The following NXF1 variants were observed in gnomAD, a reference collection of about 807,000 sequenced individuals.
The protein encoded by NXF1 is nuclear RNA export factor 1.
A neutral mutation model predicts 92.4 loss-of-function variants in NXF1; 43 were observed. That is an observed-to-expected ratio of 0.47 (90% CI 0.36 to 0.60). The LOEUF (loss-of-function observed/expected upper bound fraction) is 0.60. NXF1 is among the 20% of genes least tolerant of loss of function. The pLI is 0.00. For synonymous variants in NXF1, 288 were observed against 292.2 expected (o/e 0.99, Z 0.15); for missense variants, 576 against 793.0 (o/e 0.73, Z 3.29).
At chr11:62,802,353 TA>T (rs1249579896) in intron 3 of NXF1, 93 bp from the exon 4 acceptor site, 2 of 999,714 alleles carry the variant, frequency 2.0e-6, no homozygotes, top group African/African-American at 3.2e-5. Context: ...ACCAAACTTT[TA>T]AAGACTATCT....
intron 11 of NXF1, 21 bp from the exon 12 acceptor site, chr11:62,797,407 T>C (rs751743981): frequency 2.2e-5 from 36 of 1,610,258 alleles, no homozygotes; most frequent in Admixed American, 1.3e-4. Context: ...GAAGTAAAAG[T>C]TGACAGTGTA....
rs1451213158 is a variant in NXF1 at position 62,800,936 on chromosome 11, G to A, written c.906+158C>T. ...GAGGCGTGCAAACTCCTAGCCTTAA[G>A]TGATCCTCCTGCCTTGGCCTCCCAA... On this transcript the variant is annotated intron_variant, in intron 9 of 20. Coordinates refer to ENST00000294172, the MANE Select transcript of NXF1 (RefSeq NM_006362.5). Among the ~76,000 whole-genome samples the A allele has an allele frequency of 4.6e-5, 7 of 152,166 alleles. 1 individual carries two copies. The highest frequency in any genetic ancestry group is 1.0e-4 in the Non-Finnish European group (7 of 68,026).
chr11:62,797,492 G>C (rs1590951143), intron 11 of NXF1, 106 bp from the exon 12 acceptor site: 8 of 959,428 alleles, frequency 8.3e-6, no homozygotes, highest in Non-Finnish European at 1.1e-5. Flanking sequence ...TTGAGCTCAG[G>C]AGTTTGAGAC....
At chr11:62,798,766 T>G in intron 10 of NXF1, 191 bp from the exon 11 acceptor site, 1 of 1,403,276 alleles carries the variant, frequency 7.1e-7, no homozygotes, top group Non-Finnish European at 9.2e-7. Context: ...AGACATGGAC[T>G]GCCTTGAAGG....
chr11:62,805,357 G>T lies in NXF1; in HGVS notation c.-1C>A, dbSNP rs759126471. 3.7e-6 allele frequency: 6 copies of T among 1,611,446 alleles called. No homozygotes were observed. The highest frequency in any genetic ancestry group is 2.2e-5 in the East Asian group (1 of 44,748). ...TGTACGACTTCCCCTCGTCCGCCAT[G>T]CCACAGCGAAGATCAAGGGCGGGCT... On this transcript the variant is annotated 5_prime_UTR_variant, in exon 1 of 21. Transcript: ENST00000294172.
At position 62,797,083 on chromosome 11, in the gene NXF1, A is replaced by AC. The variant is rs2084429094; in HGVS notation, c.1178+99dup. 17 of 1,060,586 alleles carry AC rather than the reference A, an allele frequency of 1.6e-5. No homozygotes were observed. In the African/African-American group the frequency reaches 2.6e-4, roughly 16 times the overall value. 65.7% of individuals were successfully genotyped at this position (1,060,586 alleles called of 1,614,324 possible). On this transcript the variant is annotated intron_variant, in intron 13 of 20. Transcript: ENST00000294172. ...ACACTGTCCAAAAAAAAAAAAAAAA[A>AC]CAAAACAAAAAACAAAACAAAAAGA...
At position 62,795,154 on chromosome 11, in the gene NXF1, G is replaced by T. The variant is rs1022121656; in HGVS notation, c.1505-147C>A. ...ATAAGGGTATAAGGGAAGCACAGGT[G>T]GGGTGAAGGGTCAGGTCAGAAAGGA... On this transcript the variant is annotated intron_variant, in intron 17 of 20. Coordinates refer to ENST00000294172, the MANE Select transcript of NXF1 (RefSeq NM_006362.5). The T allele has an allele frequency of 1.4e-5, 10 of 695,960 alleles. No individual in the cohort carries two copies. In the African/African-American group the frequency reaches 1.6e-4, roughly 11 times the overall value. 43.1% of individuals were successfully genotyped at this position (695,960 alleles called of 1,614,324 possible).
intron 10 of NXF1, 40 bp downstream of exon 10, chr11:62,800,337 G>T: frequency 4.3e-6 from 7 of 1,613,708 alleles, no homozygotes; most frequent in Non-Finnish European, 5.9e-6. Flanking sequence ...CTCCCAGGGG[G>T]TGAAGGTCCC....
chr11:62,795,863 G>T (rs1195134124), intron 17 of NXF1, 38 bp downstream of exon 17: 1 of 1,595,338 alleles, frequency 6.3e-7, no homozygotes, highest in Non-Finnish European at 8.6e-7. Context: ...GCTGGGGGTG[G>T]GACCACGCTA....
rs1023717509 is a variant in NXF1 at position 62,802,013 on chromosome 11, C to T, written c.487G>A (p.Val163Ile). The T allele has an allele frequency of 6.2e-6, 10 of 1,614,090 alleles. No individual in the cohort carries two copies. Among genetic ancestry groups the T allele is most frequent in the East Asian group, 2.2e-5 (1 of 44,890 alleles). ...GCAGAGGCAGTACTGGCGTCTTCAA[C>T]GAAGAACTGGGCCCGTGTATTCTCA... ...HYENTRAQFF[V>I]EDASTASALK... The change falls in exon 5 of 21, where the codon GTT becomes ATT. Residue 163 changes from valine (V) to isoleucine (I), a missense_variant. By Grantham distance (29) the Val-to-Ile change is conservative (BLOSUM62 3). Coordinates refer to ENST00000294172, the MANE Select transcript of NXF1 (RefSeq NM_006362.5).
At chr11:62,794,604 G>C in intron 18 of NXF1, 164 bp from the exon 19 acceptor site, 1 of 661,274 alleles carries the variant, frequency 1.5e-6, no homozygotes, top group Non-Finnish European at 2.6e-6. Flanking sequence ...TGTTTGGAAG[G>C]ATTATCTACT....
Position 62,803,511 on chromosome 11 carries a change from G to T in NXF1, c.277C>A (p.His93Asn). The T allele has an allele frequency of 6.2e-7, 1 of 1,614,042 alleles. No individual in the cohort carries two copies. Among genetic ancestry groups the T allele is most frequent in the Non-Finnish European group, 8.5e-7 (1 of 1,180,004 alleles). ...GCTCTGTCTCTCCGCACAGTAACAT[G>T]AATGCGATCTCGATCATGCCAAGTA... ...GDTWHDRDRI[H>N]VTVRRDRAPP... The change falls in exon 3 of 21, where the codon CAT becomes AAT. Residue 93 changes from histidine to asparagine, a missense_variant. Physicochemically the swap from His to Asn is moderately conservative, Grantham distance 68. Transcript: ENST00000294172.
Position 62,796,358 on chromosome 11 carries a change from A to G in NXF1, c.1287-13T>C, listed in dbSNP as rs1427398485. On this transcript the variant is annotated splice_polypyrimidine_tract_variant and intron_variant, in intron 14 of 20. Coordinates refer to ENST00000294172, the MANE Select transcript of NXF1 (RefSeq NM_006362.5). ...GGCTAAGCTGCTTCTGGGGGAATAA[A>G]AGGAATGGACGTGGTGTTCAGAGCA... 1.1e-5 allele frequency: 18 copies of G among 1,614,018 alleles called. No individual in the cohort carries two copies. Among genetic ancestry groups the G allele is most frequent in the Non-Finnish European group, 1.3e-5 (15 of 1,180,022 alleles).
rs763385260 is a variant in NXF1, at chr11:62,801,822, GGAGGGAAGACACA to G, written c.559-16_559-4del. On this transcript the variant is annotated splice_region_variant and splice_polypyrimidine_tract_variant and intron_variant, in intron 5 of 20. Coordinates refer to ENST00000294172, the MANE Select transcript of NXF1 (RefSeq NM_006362.5). ...GAAGAGTTGATGATGATAGATATCT[GGAGGGAAGACACA>G]GAGGGCACAGAAAACTCTAGGGAAG... The G allele has an allele frequency of 6.8e-6, 11 of 1,612,742 alleles. No homozygotes were observed. In the South Asian group the frequency reaches 1.1e-4, roughly 16 times the overall value.
chr11:62,797,173 G>A lies in NXF1; in HGVS notation c.1178+10C>T. ...CTCGGGGTGGGGAGGGGGGACCCTG[G>A]GATACTTACTGTTGCAGGAAGTGCA... On this transcript the variant is annotated intron_variant, in intron 13 of 20. Coordinates refer to ENST00000294172, the MANE Select transcript of NXF1 (RefSeq NM_006362.5). The A allele has an allele frequency of 6.2e-7, 1 of 1,613,690 alleles. No individual in the cohort carries two copies. Among genetic ancestry groups the A allele is most frequent in the South Asian group, 1.1e-5 (1 of 91,072 alleles).
In NXF1 at chr11:62,792,411, G is replaced by A. The variant is rs1164559465; in HGVS notation, c.*65C>T. 20 of 1,598,076 alleles carry A rather than the reference G, an allele frequency of 1.3e-5. No homozygotes were observed. The highest frequency in any genetic ancestry group is 1.6e-5 in the Non-Finnish European group (19 of 1,165,662). On this transcript the variant is annotated 3_prime_UTR_variant, in exon 21 of 21. Coordinates refer to ENST00000294172, the MANE Select transcript of NXF1 (RefSeq NM_006362.5). ...GGCCAGACAGGAGGAGATGACAGAC[G>A]ACAACCAGACGGTAATATCCAAGGA...
At position 62,794,457 on chromosome 11, in the gene NXF1, A is replaced by G; in HGVS notation, c.1578-17T>C. 1 of 1,599,752 alleles carries G rather than the reference A, an allele frequency of 6.3e-7. No homozygotes were observed. Among genetic ancestry groups the G allele is most frequent in the Non-Finnish European group, 8.6e-7 (1 of 1,167,898 alleles). On this transcript the variant is annotated splice_polypyrimidine_tract_variant and intron_variant, in intron 18 of 20. Coordinates refer to ENST00000294172, the MANE Select transcript of NXF1 (RefSeq NM_006362.5). ...ATACATAGCCTTGAGGACAAAGAGC[A>G]CTTAAAAAGCTAGACAGAGATAACA...
intron 3 of NXF1, among the ~76,000 whole-genome samples, chr11:62,802,876 A>C (rs935085661): frequency 3.9e-5 from 6 of 152,150 alleles, no homozygotes; most frequent in African/African-American, 1.4e-4. Flanking sequence ...GCCTGAGCCA[A>C]ATGAAGACAT....
rs1336716764 is a variant in NXF1 at position 62,797,055 on chromosome 11, G to A, written c.1178+128C>T. On this transcript the variant is annotated intron_variant, in intron 13 of 20. Coordinates refer to ENST00000294172, the MANE Select transcript of NXF1 (RefSeq NM_006362.5). ...TGCACTCCAGCCTGGGTGACACAGT[G>A]AGACACTGTCCAAAAAAAAAAAAAA... 44 of 787,160 alleles carry A rather than the reference G, an allele frequency of 5.6e-5. No individual in the cohort carries two copies. In the East Asian group the frequency reaches 8.0e-4, roughly 14 times the overall value. The allele number at this position is 787,160 out of a possible 1,614,324, so 48.8% of individuals were successfully genotyped here. A position where few individuals can be genotyped will look rare whatever the true frequency, so the allele number is the denominator to read the frequency against.
Sources: gnomAD v4.1 joint callset for allele counts (sites outside exome capture counted in the v4.1 genomes callset) on GRCh38, gnomAD v4.1.1 for gene constraint, MANE v1.5 for transcripts, NCBI Gene and HGNC (gene_info 2026-07-23, HGNC 2026-07-21) for gene names.